The following USP54 variants were observed in gnomAD, a reference collection of about 807,000 sequenced individuals.
USP54 encodes the protein ubiquitin carboxyl-terminal hydrolase 54.
USP54 carries 87 observed loss-of-function variants against 170.5 expected under a neutral mutation model. That is an observed-to-expected ratio of 0.51 (90% CI 0.43 to 0.61). The LOEUF (loss-of-function observed/expected upper bound fraction) is 0.61, where lower values mean the gene tolerates loss of function less well. USP54 is among the 20% of genes least tolerant of loss of function. USP54 has a pLI of 0.00. For synonymous variants in USP54, 655 were observed against 742.8 expected (o/e 0.88, Z 1.92); for missense variants, 1,786 against 2,047.8 (o/e 0.87, Z 2.47).
intron 3 of USP54, among the ~76,000 whole-genome samples, chr10:73,573,301 G>C (rs2133809244): frequency 6.6e-6 from 1 of 152,046 alleles, no homozygotes; most frequent in Admixed American, 6.6e-5. Context: ...CCAAAAAAAA[G>C]AGAAAGAAAT....
chr10:73,545,170 G>A (rs2067506846), intron 5 of USP54, among the ~76,000 whole-genome samples: 1 of 152,108 alleles, frequency 6.6e-6, no homozygotes, highest in South Asian at 2.1e-4. Context: ...CTTTAGAAAT[G>A]GAGGAGCAGC....
In USP54 at chr10:73,516,968, C is replaced by G; in HGVS notation, c.3458G>C (p.Arg1153Thr). 6.2e-7 allele frequency: 1 copy of G among 1,614,220 alleles called. No homozygotes were observed. The highest frequency in any genetic ancestry group is 8.5e-7 in the Non-Finnish European group (1 of 1,180,044). ...CTTCCTTAGACTACCTGACAAACTT[C>G]TATCCTTGAAACCTGTACTATCCCT... ...SMRDSTGFKD[R>T]SLSGSLRKNS... The change falls in exon 20 of 24, where the codon AGA (arginine) becomes ACA (threonine). Residue 1153 changes from arginine (R) to threonine (T), a missense_variant. Around this residue, in one of 3 missense-constraint regions of USP54, gnomAD observed 1,418 missense variants for 1,569.0 expected, o/e 0.90. Transcript: ENST00000687698.
intron 1 of USP54, among the ~76,000 whole-genome samples, chr10:73,603,563 C>T (rs1218888629): frequency 1.3e-5 from 2 of 151,958 alleles, no homozygotes; most frequent in Non-Finnish European, 2.9e-5. Context: ...AAACCTGTCT[C>T]TATTAAGCCC....
At position 73,530,230 on chromosome 10, in the gene USP54, C is replaced by G; in HGVS notation, c.1741G>C (p.Glu581Gln). The G allele has an allele frequency of 6.2e-7, 1 of 1,614,180 alleles. No individual in the cohort carries two copies. The highest frequency in any genetic ancestry group is 8.5e-7 in the Non-Finnish European group (1 of 1,180,036). Residue 581 changes from glutamate (E) to glutamine (Q), a missense_variant, in exon 14 of 24, where the codon GAA (glutamate) becomes CAA (glutamine). This residue lies in a region of USP54 where 1,418 missense variants were observed against 1,569.0 expected (regional missense o/e 0.90). Transcript: ENST00000687698. ...KYRPTWRPKRESLNIDSIFSK... is the reference protein window; with the variant it reads ...KYRPTWRPKRQSLNIDSIFSK... ...AAGATACTGTCAATATTCAGAGATT[C>G]TCGTTTGGGTCTCCATGTGGGACGA...
Position 73,516,909 on chromosome 10 carries a change from A to C in USP54, c.3517T>G (p.Ser1173Ala), listed in dbSNP as rs2061167963. 1.2e-6 allele frequency: 2 copies of C among 1,614,234 alleles called. No individual in the cohort carries two copies. Among genetic ancestry groups the C allele is most frequent in the East Asian group, 4.5e-5 (2 of 44,888 alleles). Reference sequence around the variant, plus strand: ...CAGTGGCCTTTCTCTTGACCCTGTGAGAAAGGAGGCTTAGAATCAGAAGGG... The same window carrying C: ...CAGTGGCCTTTCTCTTGACCCTGTGCGAAAGGAGGCTTAGAATCAGAAGGG... ...SSPSDSKPPF[S>A]QGQEKGHWPW... Residue 1173 changes from serine (S) to alanine (A), a missense_variant, in exon 20 of 24, where the codon TCA (serine) becomes GCA (alanine). By Grantham distance (99) the Ser-to-Ala change is moderately conservative. Around this residue, in one of 3 missense-constraint regions of USP54, gnomAD observed 1,418 missense variants for 1,569.0 expected, o/e 0.90. Coordinates refer to ENST00000687698, the MANE Select transcript of USP54 (RefSeq NM_001391956.1).
intron 1 of USP54, among the ~76,000 whole-genome samples, chr10:73,610,179 A>G (rs2132307437): frequency 6.6e-6 from 1 of 152,284 alleles, no homozygotes; most frequent in Non-Finnish European, 1.5e-5. Context: ...CTCTGCCTCA[A>G]ATTAAAAAAA....
intron 22 of USP54, 35 bp from the exon 23 acceptor site, chr10:73,500,873 G>A (rs1466121052): frequency 6.3e-7 from 1 of 1,581,832 alleles, no homozygotes; most frequent in East Asian, 2.3e-5. Context: ...ACATAGAGAT[G>A]AGGATTAACA....
chr10:73,543,094 T>C lies in USP54; in HGVS notation c.413A>G (p.Asp138Gly), dbSNP rs2066968237. ...LLMRIHFHIADETKEDICTAQ... is the reference protein window; with the variant it reads ...LLMRIHFHIAGETKEDICTAQ... ...AGTACATATATCCTCTTTGGTTTCA[T>C]CAGCAATGTGGAAGTGAATTCTCAT... The change falls in exon 6 of 24, where the codon GAT becomes GGT. Residue 138 changes from aspartate (D) to glycine (G), a missense_variant. By Grantham distance (94) the Asp-to-Gly change is moderately conservative. Transcript: ENST00000687698. 1.9e-6 allele frequency: 3 copies of C among 1,614,012 alleles called. No individual in the cohort carries two copies. Among genetic ancestry groups the C allele is most frequent in the Non-Finnish European group, 2.5e-6 (3 of 1,180,016 alleles).
intron 3 of USP54, among the ~76,000 whole-genome samples, chr10:73,573,705 C>T (rs1297817109): frequency 6.6e-6 from 1 of 152,208 alleles, no homozygotes; most frequent in East Asian, 1.9e-4. Context: ...GCGGAGGTGG[C>T]AGTGAGCTGA....
At chr10:73,516,234 T>G in intron 20 of USP54, 141 bp downstream of exon 20, 1 of 982,492 alleles carries the variant, frequency 1.0e-6, no homozygotes, top group South Asian at 1.8e-5. Flanking sequence ...CCTGAAGGCT[T>G]TCTGAGTAAA....
upstream of USP54, among the ~76,000 whole-genome samples, chr10:73,594,212 A>C (rs1185555712): frequency 2.0e-5 from 3 of 151,948 alleles, no homozygotes; most frequent in Admixed American, 6.6e-5. Flanking sequence ...CTGGGATTAC[A>C]GGTAGGTGCC....
At chr10:73,592,055 G>A (rs559694272), upstream of USP54, among the ~76,000 whole-genome samples, 2 of 152,036 alleles carry the variant, frequency 1.3e-5, no homozygotes, top group East Asian at 1.9e-4. Context: ...CCCCTCTCTC[G>A]GGGAAGAGAC....
chr10:73,570,182 A>G (rs2074856351), intron 4 of USP54, among the ~76,000 whole-genome samples: 1 of 152,076 alleles, frequency 6.6e-6, no homozygotes. Flanking sequence ...ACTCATCCAT[A>G]TAATCCATTA....
rs748558299 is a variant in USP54, at chr10:73,530,201, A to G, written c.1770T>C (p.Ser590=). The G allele has an allele frequency of 1.1e-5, 18 of 1,613,924 alleles. No individual in the cohort carries two copies. Among genetic ancestry groups the G allele is most frequent in the South Asian group, 7.7e-5 (7 of 91,080 alleles). ...RESLNIDSIF[S]KDKRKHCGYT... ...AGCCACAGTGCTTCCTTTTGTCCTT[A>G]CTAAAGATACTGTCAATATTCAGAG... The change falls in exon 14 of 24, where the codon AGT becomes AGC. Residue 590 remains serine, a synonymous_variant. Coordinates refer to ENST00000687698, the MANE Select transcript of USP54 (RefSeq NM_001391956.1).
chr10:73,537,195 TAATTA>T (rs2133459657), intron 10 of USP54, among the ~76,000 whole-genome samples: 1 of 152,318 alleles, frequency 6.6e-6, no homozygotes, highest in African/African-American at 2.4e-5. Context: ...ACTGAGTTAT[TAATTA>T]AAACATTTAT....
intron 4 of USP54, among the ~76,000 whole-genome samples, chr10:73,563,939 A>G (rs1425658191): frequency 6.6e-6 from 1 of 151,800 alleles, no homozygotes; most frequent in African/African-American, 2.4e-5. Context: ...GTCTTATTTA[A>G]TAAGTACTTC....
chr10:73,498,564 G>C lies in USP54; in HGVS notation c.*65C>G. 6.9e-7 allele frequency: 1 copy of C among 1,459,736 alleles called. No individual in the cohort carries two copies. Among genetic ancestry groups the C allele is most frequent in the Non-Finnish European group, 9.1e-7 (1 of 1,095,570 alleles). The allele number at this position is 1,459,736 out of a possible 1,614,324, so 90.4% of individuals were successfully genotyped here. On this transcript the variant is annotated 3_prime_UTR_variant, in exon 24 of 24. Transcript: ENST00000687698. Reference sequence around the variant, plus strand: ...GCTGGGATTACAGGTGTGAGCCACCGCGCCCGGCCCACAGTACAGTTTTAC... The same window carrying C: ...GCTGGGATTACAGGTGTGAGCCACCCCGCCCGGCCCACAGTACAGTTTTAC...
rs1003635757 is a variant in USP54 at position 73,576,244 on chromosome 10, T to C, written c.-464A>G. 6.6e-6 allele frequency: 1 copy of C among 152,222 alleles called. No individual in the cohort carries two copies. Among genetic ancestry groups the C allele is most frequent in the Admixed American group, 6.5e-5 (1 of 15,270 alleles). The allele number at this position is 152,222 out of a possible 1,614,324, so 9.4% of individuals were successfully genotyped here. A position where few individuals can be genotyped will look rare whatever the true frequency, so the allele number is the denominator to read the frequency against. On this transcript the variant is annotated 5_prime_UTR_variant, in exon 2 of 24. Coordinates refer to ENST00000687698, the MANE Select transcript of USP54 (RefSeq NM_001391956.1). ...AGCCTGTTTGAATCATCTGAGGTTT[T>C]TGTTGATGTTCTTGCTGCTTCTTTT...
In USP54 at chr10:73,534,624, T is replaced by G; in HGVS notation, c.1291A>C (p.Met431Leu). 3.7e-6 allele frequency: 6 copies of G among 1,614,080 alleles called. No individual in the cohort carries two copies. The highest frequency in any genetic ancestry group is 5.1e-6 in the Non-Finnish European group (6 of 1,179,954). Reference sequence around the variant, plus strand: ...CCTGTGTCCCGACTGCTCTGAGACATGGAATCATTTTCCACATTATAGATG... The same window carrying G: ...CCTGTGTCCCGACTGCTCTGAGACAGGGAATCATTTTCCACATTATAGATG... ...TVIYNVENDS[M>L]SQSSRDTGHL... The change falls in exon 12 of 24, where the codon ATG becomes CTG. Residue 431 changes from methionine (M) to leucine (L), a missense_variant. Met to Leu is a conservative substitution (Grantham distance 15). Around this residue, in one of 3 missense-constraint regions of USP54, gnomAD observed 1,418 missense variants for 1,569.0 expected, o/e 0.90. Coordinates refer to ENST00000687698, the MANE Select transcript of USP54 (RefSeq NM_001391956.1).
Sources: gnomAD v4.1 joint callset for allele counts (sites outside exome capture counted in the v4.1 genomes callset) on GRCh38, gnomAD v4.1.1 for gene constraint, gnomAD v4.1.1 regional missense constraint, MANE v1.5 for transcripts, NCBI Gene and HGNC (gene_info 2026-07-23, HGNC 2026-07-21) for gene names.